Variants in PTPRM observed in about 807,000 individuals in gnomAD.
PTPRM encodes the protein protein tyrosine phosphatase receptor type M, also known as receptor-type tyrosine-protein phosphatase mu.
In PTPRM, 47 loss-of-function variants were observed where a neutral mutation model predicts 186.7. The observed-to-expected ratio is 0.25, with a 90% CI of 0.20 to 0.32. The LOEUF (loss-of-function observed/expected upper bound fraction) is 0.32. Ranked by LOEUF, PTPRM falls within the 10% of genes least tolerant of loss-of-function variation. The pLI is 1.00. For missense variants in PTPRM, 1,494 were observed against 1,865.0 expected, an observed-to-expected ratio of 0.80 and a Z score of 3.66; for synonymous variants, 668 against 674.9, an observed-to-expected ratio of 0.99 and a Z score of 0.16.
At chr18:8,239,194 C>G (rs9952143) in intron 14 of PTPRM, among the ~76,000 whole-genome samples, 37,009 of 132,868 alleles carry the variant, frequency 0.28, 5,834 homozygotes, top group African/African-American at 0.45. Context: ...CCCTTCCTGT[C>G]TCCATGTGTT....
chr18:7,736,156 C>T (rs1286430128), intron 1 of PTPRM, among the ~76,000 whole-genome samples: 1 of 152,080 alleles, frequency 6.6e-6, no homozygotes, highest in Non-Finnish European at 1.5e-5. Context: ...TTTTGGTCAA[C>T]ACTCACATGA....
chr18:7,640,928 T>G (rs2038428666), intron 1 of PTPRM, among the ~76,000 whole-genome samples: 1 of 152,156 alleles, frequency 6.6e-6, no homozygotes, highest in East Asian at 1.9e-4. Flanking sequence ...CTTTTGGAAG[T>G]TAGGGTTTTT....
In PTPRM at chr18:7,855,988, G is replaced by A. The variant is rs574383876; in HGVS notation, c.197-32118G>A. 2.0e-5 allele frequency among the ~76,000 whole-genome samples: 3 copies of A among 152,280 alleles called. 1 individual carries two copies. In the South Asian group the frequency reaches 6.2e-4, roughly 32 times the overall value. ...ACAAGTTGCTTTTTCTCAGCTTCTG[G>A]AAAATGGGTATGATAACACTTGCTC... On this transcript the variant is annotated intron_variant, in intron 2 of 32. Transcript: ENST00000580170.
chr18:8,308,844 T>C (rs1468163293), intron 20 of PTPRM, among the ~76,000 whole-genome samples: 2 of 152,250 alleles, frequency 1.3e-5, no homozygotes, highest in Admixed American at 1.3e-4. Flanking sequence ...CCTTTGTTAC[T>C]CCAGCCACAT....
At chr18:8,069,607 T>C in intron 7 of PTPRM, 79 bp from the exon 8 acceptor site, 1 of 1,285,438 alleles carries the variant, frequency 7.8e-7, no homozygotes, top group Non-Finnish European at 1.1e-6. Flanking sequence ...CAACTGGGAA[T>C]ATCTGTGACC....
rs1018337977 is a variant in PTPRM, at chr18:8,238,679, T to G, written c.2301-5379T>G. 4.2e-5 allele frequency among the ~76,000 whole-genome samples: 6 copies of G among 143,352 alleles called. 1 individual carries two copies. The highest frequency in any genetic ancestry group is 1.5e-4 in the African/African-American group (6 of 39,452). 94.0% of individuals were successfully genotyped at this position (143,352 alleles called of 152,430 possible). ...TTTTTTTTTTTTTTTTTTTTTTTTTTTTTTTGCGAAGCTACACATGGTGTA... is the reference window on the plus strand; with the variant it reads ...TTTTTTTTTTTTTTTTTTTTTTTTTGTTTTTGCGAAGCTACACATGGTGTA... On this transcript the variant is annotated intron_variant, in intron 14 of 32. Transcript: ENST00000580170.
chr18:8,348,163 G>A (rs1274906723), intron 23 of PTPRM, among the ~76,000 whole-genome samples: 3 of 152,268 alleles, frequency 2.0e-5, no homozygotes, highest in African/African-American at 7.2e-5. Flanking sequence ...ACCGCACATA[G>A]TGCGTCCTTC....
At chr18:8,329,747 T>C (rs1471815095) in intron 22 of PTPRM, among the ~76,000 whole-genome samples, 1 of 152,154 alleles carries the variant, frequency 6.6e-6, no homozygotes, top group Non-Finnish European at 1.5e-5. Context: ...CTCTTACTAA[T>C]TTGTGATTTT....
intron 2 of PTPRM, among the ~76,000 whole-genome samples, chr18:7,867,686 T>G (rs942980906): frequency 3.3e-5 from 5 of 152,188 alleles, no homozygotes; most frequent in Non-Finnish European, 7.3e-5. Flanking sequence ...TTAAGGTTGC[T>G]CTTCCCGAGG....
chr18:8,324,227 A>G (rs552257816), intron 22 of PTPRM, among the ~76,000 whole-genome samples: 64 of 152,292 alleles, frequency 4.2e-4, no homozygotes, highest in African/African-American at 1.5e-3. Context: ...ACAAACTATT[A>G]CTAAAATGTT....
At chr18:8,100,553 A>T (rs1264204478) in intron 11 of PTPRM, among the ~76,000 whole-genome samples, 3 of 152,124 alleles carry the variant, frequency 2.0e-5, no homozygotes, top group African/African-American at 7.2e-5. Context: ...CCATGACCAA[A>T]CATCTCTCAC....
intron 14 of PTPRM, among the ~76,000 whole-genome samples, chr18:8,147,851 G>C (rs1180738404): frequency 6.6e-6 from 1 of 152,156 alleles, no homozygotes; most frequent in Non-Finnish European, 1.5e-5. Context: ...TTTTTAGCAT[G>C]GAGGGCTGTT....
At chr18:7,966,101 G>C (rs1359846597) in intron 7 of PTPRM, among the ~76,000 whole-genome samples, 1 of 152,104 alleles carries the variant, frequency 6.6e-6, no homozygotes, top group Non-Finnish European at 1.5e-5. Flanking sequence ...TTAATTTTAA[G>C]AATATAAATA....
chr18:7,635,706 T>C (rs1167764054), intron 1 of PTPRM, among the ~76,000 whole-genome samples: 1 of 152,236 alleles, frequency 6.6e-6, no homozygotes, highest in Non-Finnish European at 1.5e-5. Flanking sequence ...TGGCGGAAAC[T>C]TCTGAGCATA....
At chr18:7,581,366 AAAT>A (rs2036841303) in intron 1 of PTPRM, among the ~76,000 whole-genome samples, 1 of 152,186 alleles carries the variant, frequency 6.6e-6, no homozygotes, top group Non-Finnish European at 1.5e-5. Context: ...TCCAAGAAAA[AAAT>A]AAAAATAAAT....
In PTPRM at chr18:7,879,234, T is replaced by C. The variant is rs375777078; in HGVS notation, c.197-8872T>C. On this transcript the variant is annotated intron_variant, in intron 2 of 32. Transcript: ENST00000580170. ...TGCAGTGAGCCTCTTCCAATACTGC[T>C]TTGTCTCTTATGATAACTGTGTTTC... Among the ~76,000 whole-genome samples the C allele has an allele frequency of 3.9e-5, 6 of 152,340 alleles. No homozygotes were observed. The East Asian group carries it at 1.2e-3, about 29-fold the overall frequency.
intron 2 of PTPRM, among the ~76,000 whole-genome samples, chr18:7,775,142 C>T (rs1309110824): frequency 2.6e-5 from 4 of 152,172 alleles, no homozygotes; most frequent in Admixed American, 6.5e-5. Flanking sequence ...AGCTTTTAAA[C>T]GTGAAGTAGA....
intron 28 of PTPRM, 22 bp downstream of exon 28, chr18:8,379,362 CG>C (rs2095716866): frequency 6.3e-7 from 1 of 1,584,912 alleles, no homozygotes; most frequent in Non-Finnish European, 8.6e-7. Flanking sequence ...GCTTCCCGCA[CG>C]GGTCCGAGGC....
intron 14 of PTPRM, among the ~76,000 whole-genome samples, chr18:8,172,314 A>G (rs927376438): frequency 5.3e-5 from 8 of 150,184 alleles, no homozygotes; most frequent in Admixed American, 2.0e-4. Flanking sequence ...TATTCCCTGC[A>G]ACTCATTCAG....
Sources: allele counts gnomAD v4.1 joint callset (sites outside exome capture counted in the v4.1 genomes callset), GRCh38; gene constraint gnomAD v4.1.1; transcripts MANE v1.5; gene names NCBI Gene and HGNC (gene_info 2026-07-23, HGNC 2026-07-21).